Variants in PRPF3 observed in about 807,000 individuals in gnomAD.
PRPF3 encodes the protein pre-mRNA processing factor 3.
PRPF3 carries 3 observed loss-of-function variants against 89.2 expected under a neutral mutation model. The ratio of observed to expected loss-of-function variants is 0.03; its 90% confidence interval spans 0.02 to 0.09. The LOEUF (loss-of-function observed/expected upper bound fraction) is 0.09, where lower values mean the gene tolerates loss of function less well. Among genes scored for constraint, PRPF3 ranks in the 10% least tolerant of loss-of-function variants. PRPF3 has a pLI of 1.00. For synonymous variants in PRPF3, 270 were observed against 289.1 expected (o/e 0.93, Z 0.67); for missense variants, 463 against 828.8 (o/e 0.56, Z 5.42).
At chr1:150,347,410 G>C (rs1658402423) in intron 14 of PRPF3, among the ~76,000 whole-genome samples, 1 of 151,908 alleles carries the variant, frequency 6.6e-6, no homozygotes, top group Admixed American at 6.6e-5. Context: ...ATAAACCTGA[G>C]ATAAATTGAA....
chr1:150,347,275 T>C (rs782480452), intron 14 of PRPF3, among the ~76,000 whole-genome samples: 15 of 150,442 alleles, frequency 1.0e-4, no homozygotes, highest in Admixed American at 2.0e-4. Context: ...TACACATACA[T>C]ACACACACAC....
intron 4 of PRPF3, among the ~76,000 whole-genome samples, chr1:150,331,947 G>A (rs2101968165): frequency 6.6e-6 from 1 of 152,094 alleles, no homozygotes; most frequent in South Asian, 2.1e-4. Flanking sequence ...AGTATAGGCT[G>A]GGTGCGGTGG....
At chr1:150,344,096 A>C in intron 10 of PRPF3, 66 bp from the exon 11 acceptor site, 1 of 1,377,646 alleles carries the variant, frequency 7.3e-7, no homozygotes, top group Non-Finnish European at 1.0e-6. Context: ...GTATGGAAGA[A>C]ATAACAAGTT....
chr1:150,352,865 G>A lies in PRPF3; in HGVS notation c.1938G>A (p.Met646Ile), dbSNP rs1553874714. The change falls in exon 16 of 16, where the codon ATG (methionine) becomes ATA (isoleucine). Residue 646 changes from methionine (M) to isoleucine (I), a missense_variant. By Grantham distance (10) the Met-to-Ile change is conservative. Transcript: ENST00000324862. ...GTAKDRSFGE[M>I]KFKQCPTENM... The stretch of plus-strand genomic sequence containing the variant: ...CCAAAGACCGGAGCTTTGGAGAGAT[G>A]AAGTTTAAACAGTGTCCTACAGAGA... 6.2e-7 allele frequency: 1 copy of A among 1,614,030 alleles called. No individual in the cohort carries two copies. The highest frequency in any genetic ancestry group is 1.3e-5 in the African/African-American group (1 of 74,906).
At chr1:150,330,873 C>A (rs587645665) in intron 4 of PRPF3, among the ~76,000 whole-genome samples, 1 of 150,632 alleles carries the variant, frequency 6.6e-6, no homozygotes, top group Non-Finnish European at 1.5e-5. Flanking sequence ...CGCGCCACCA[C>A]GCCTAGCTAA....
At chr1:150,341,400 A>AC (rs1381192080) in intron 9 of PRPF3, among the ~76,000 whole-genome samples, 1 of 101,906 alleles carries the variant, frequency 9.8e-6, no homozygotes, top group African/African-American at 3.7e-5. Flanking sequence ...AGTTGCTTCT[A>AC]TTTTTTTTTT....
intron 8 of PRPF3, 28 bp from the exon 9 acceptor site, chr1:150,340,370 G>A (rs369148609): frequency 1.4e-5 from 20 of 1,463,326 alleles, no homozygotes; most frequent in Middle Eastern, 1.8e-4. Context: ...CCCGCATATC[G>A]TGTTTTCTTT....
chr1:150,330,719 TTTC>T (rs1192271105), intron 4 of PRPF3, among the ~76,000 whole-genome samples: 1 of 2,944 alleles, frequency 3.4e-4, no homozygotes, highest in Admixed American at 4.3e-3. Flanking sequence ...GTTATGTTTC[TTTC>T]TTTTTTTTTT....
rs781936072 is a variant in PRPF3, at chr1:150,323,779, C to CTTTT, written c.-48-1104_-48-1101dup. ...CCACAGAGAAATGTGACAGAACATT[C>CTTTT]TTTTTTTTTTTTTTTGAGACGGAGT... is the stretch of plus-strand genomic sequence containing the variant. On this transcript the variant is annotated intron_variant, in intron 1 of 15. Transcript: ENST00000324862. Among the ~76,000 whole-genome samples the CTTTT allele has an allele frequency of 8.6e-4, 108 of 126,136 alleles. 6 individuals are homozygous for CTTTT. Among genetic ancestry groups the CTTTT allele is most frequent in the Middle Eastern group, 4.2e-3 (1 of 238 alleles). 82.8% of individuals were successfully genotyped at this position (126,136 alleles called of 152,430 possible). A position where few individuals can be genotyped will look rare whatever the true frequency, so the allele number is the denominator to read the frequency against.
At chr1:150,344,569 A>G (rs1658091416) in intron 12 of PRPF3, 22 bp downstream of exon 12, 3 of 1,611,864 alleles carry the variant, frequency 1.9e-6, no homozygotes, top group African/African-American at 2.7e-5. Flanking sequence ...TACTGGGCCA[A>G]ACTTCCCCTT....
At chr1:150,338,052 CAAG>C (rs1657243154) in intron 7 of PRPF3, 105 bp from the exon 8 acceptor site, 1 of 1,205,476 alleles carries the variant, frequency 8.3e-7, no homozygotes, top group Non-Finnish European at 1.2e-6. Context: ...CCAGCCTGGG[CAAG>C]AAGAACGAAA....
intron 7 of PRPF3, among the ~76,000 whole-genome samples, chr1:150,336,687 C>G (rs587675850): frequency 6.6e-6 from 1 of 152,048 alleles, no homozygotes; most frequent in African/African-American, 2.4e-5. Context: ...AACTGGAAGG[C>G]AGAGGTTGCA....
chr1:150,324,891 T>TTTTAGG lies in PRPF3; in HGVS notation c.-48-3_-48-2insTTAGGT. ...TCTCTAACTTGTCTCTTTTTTTTTTTTAGGTGTAGTATTGAGTCCTGTTTG... is the reference window on the plus strand; with the variant it reads ...TCTCTAACTTGTCTCTTTTTTTTTTTTTTAGGTAGGTGTAGTATTGAGTCCTGTTTG... On this transcript the variant is annotated splice_region_variant and splice_polypyrimidine_tract_variant and intron_variant, in intron 1 of 15. Transcript: ENST00000324862. 2 of 1,579,494 alleles carry TTTTAGG rather than the reference T, an allele frequency of 1.3e-6. No individual in the cohort carries two copies. Among genetic ancestry groups the TTTTAGG allele is most frequent in the East Asian group, 2.3e-5 (1 of 44,048 alleles).
chr1:150,344,581 G>C lies in PRPF3; in HGVS notation c.1640+34G>C, dbSNP rs782272432. ...CCATACTGGGCCAAACTTCCCCTTAGAATTACTAAAACATTTTCCAAGTGC... is the reference window on the plus strand; with the variant it reads ...CCATACTGGGCCAAACTTCCCCTTACAATTACTAAAACATTTTCCAAGTGC... On this transcript the variant is annotated intron_variant, in intron 12 of 15. Transcript: ENST00000324862. The C allele has an allele frequency of 3.1e-6, 5 of 1,606,804 alleles. No homozygotes were observed. The Admixed American group carries it at 5.0e-5, about 16-fold the overall frequency.
chr1:150,351,057 G>A (rs1231487462), intron 15 of PRPF3, among the ~76,000 whole-genome samples: 2 of 152,064 alleles, frequency 1.3e-5, no homozygotes, highest in African/African-American at 4.8e-5. Context: ...ACGAGGTCAG[G>A]AATTCGAGAC....
At chr1:150,323,958 T>A (rs1455941631) in intron 1 of PRPF3, among the ~76,000 whole-genome samples, 1 of 151,760 alleles carries the variant, frequency 6.6e-6, no homozygotes, top group Non-Finnish European at 1.5e-5. Flanking sequence ...TTTTGTAGTT[T>A]TTAGTAGAGA....
chr1:150,337,379 G>A (rs1026782403), intron 7 of PRPF3, among the ~76,000 whole-genome samples: 3 of 152,058 alleles, frequency 2.0e-5, no homozygotes, highest in Admixed American at 6.6e-5. Flanking sequence ...GGCATATACT[G>A]TGGAGTGCAG....
intron 4 of PRPF3, 61 bp from the exon 5 acceptor site, chr1:150,332,623 C>G: frequency 6.5e-7 from 1 of 1,543,128 alleles, no homozygotes; most frequent in Non-Finnish European, 9.0e-7. Flanking sequence ...GTTTAAAAAC[C>G]TGAATGGGAG....
intron 12 of PRPF3, 113 bp downstream of exon 12, chr1:150,344,660 C>A: frequency 7.2e-6 from 8 of 1,115,760 alleles, no homozygotes; most frequent in South Asian, 1.3e-5. Context: ...TTCCTACTCT[C>A]TTTTAATGAC....
Sources: allele counts gnomAD v4.1 joint callset (sites outside exome capture counted in the v4.1 genomes callset), GRCh38; gene constraint gnomAD v4.1.1; transcripts MANE v1.5; gene names NCBI Gene and HGNC (gene_info 2026-07-23, HGNC 2026-07-21).